The following RBSN variants were observed in gnomAD, a reference collection of about 807,000 sequenced individuals.
RBSN encodes the protein rabenosyn, RAB effector, also known as rabenosyn-5.
A neutral mutation model predicts 60.5 loss-of-function variants in RBSN; 34 were observed. The ratio of observed to expected loss-of-function variants is 0.56; its 90% CI spans 0.43 to 0.75. RBSN has a LOEUF of 0.75. Ranked by LOEUF, RBSN falls within the 30% of genes least tolerant of loss-of-function variation. The pLI, the probability that RBSN is intolerant of heterozygous loss-of-function variation, is 0.00. For missense variants in RBSN, 845 were observed against 986.8 expected, an observed-to-expected ratio of 0.86 and a Z score of 1.92; for synonymous variants, 322 against 366.9, an observed-to-expected ratio of 0.88 and a Z score of 1.40.
At chr3:15,091,572 C>A in intron 4 of RBSN, 7 of 1,142,472 alleles carry the variant, frequency 6.1e-6, no homozygotes, top group Non-Finnish European at 8.0e-6. Flanking sequence ...TCGTATGTAC[C>A]AGGTACAACG....
chr3:15,089,468 A>AC (rs2043442555), intron 5 of RBSN, among the ~76,000 whole-genome samples: 3 of 112,938 alleles, frequency 2.7e-5, no homozygotes, highest in African/African-American at 1.9e-4. Flanking sequence ...AAAAAAAAAA[A>AC]AAAAAAAAAC....
Position 15,084,782 on chromosome 3 carries a change from G to C in RBSN, c.551C>G (p.Ser184Cys), listed in dbSNP as rs1456941640. The C allele has an allele frequency of 8.7e-6, 14 of 1,613,930 alleles. No individual in the cohort carries two copies. The highest frequency in any genetic ancestry group is 1.0e-5 in the Non-Finnish European group (12 of 1,179,986). ...NRRHHCRLCG[S>C]IMCKKCMELI... ...CTCCATACACTTCTTGCACATAATA[G>C]ACCCGCAGAGGCGGCAGTGGTGGCG... is the stretch of plus-strand genomic sequence containing the variant. The change falls in exon 8 of 14, where the codon TCT becomes TGT. Residue 184 changes from serine to cysteine, a missense_variant. Transcript: ENST00000253699. This position sits in a 1 kb window ranked among gnomAD's most constrained non-coding sequence, Gnocchi z 4.2.
In RBSN at chr3:15,073,457, C is replaced by T; in HGVS notation, c.*325G>A. On this transcript the variant is annotated 3_prime_UTR_variant, in exon 14 of 14. Coordinates refer to ENST00000253699, the MANE Select transcript of RBSN (RefSeq NM_022340.4). Reference sequence around the variant, plus strand: ...GCAGCCATTTCTGCCCTGGGCCCAACAGAGCTGCATTTAGTTATATCTCGG... The same window carrying T: ...GCAGCCATTTCTGCCCTGGGCCCAATAGAGCTGCATTTAGTTATATCTCGG... 3.6e-6 allele frequency: 1 copy of T among 275,120 alleles called. No individual in the cohort carries two copies. Among genetic ancestry groups the T allele is most frequent in the Non-Finnish European group, 6.9e-6 (1 of 144,944 alleles). 17.0% of individuals were successfully genotyped at this position (275,120 alleles called of 1,614,324 possible). A position where few individuals can be genotyped will look rare whatever the true frequency, so the allele number is the denominator to read the frequency against.
chr3:15,095,837 C>T (rs1410291893), intron 4 of RBSN, 136 bp downstream of exon 4: 3 of 1,150,104 alleles, frequency 2.6e-6, no homozygotes, highest in Non-Finnish European at 3.8e-6. Context: ...AAACGCCTGG[C>T]ACATGACAAA....
At chr3:15,080,245 GAA>G (rs534543298) in intron 10 of RBSN, among the ~76,000 whole-genome samples, 16 of 119,532 alleles carry the variant, frequency 1.3e-4, no homozygotes, top group Admixed American at 3.5e-4. Context: ...CTCCGTCTCG[GAA>G]AAAAAAAAAA....
At chr3:15,080,015 C>T (rs1413765930) in intron 10 of RBSN, among the ~76,000 whole-genome samples, 4 of 152,102 alleles carry the variant, frequency 2.6e-5, no homozygotes, top group African/African-American at 4.8e-5. Flanking sequence ...GAAGCCAAGG[C>T]GGGTGGATCA....
rs1285756810 is a variant in RBSN, at chr3:15,095,759, GA to G, written c.148+213del. 1.6e-5 allele frequency: 10 copies of G among 622,964 alleles called. No individual in the cohort carries two copies. The East Asian group carries it at 2.5e-4, about 16-fold the overall frequency. The allele number at this position is 622,964 out of a possible 1,614,324, so 38.6% of individuals were successfully genotyped here. On this transcript the variant is annotated intron_variant, in intron 4 of 13. Coordinates refer to ENST00000253699, the MANE Select transcript of RBSN (RefSeq NM_022340.4). ...TATCTAATCTCTCTGTGTCTGGTTC[GA>G]AATGTGGCTTACAGCCACACAGTTA...
chr3:15,080,155 G>C (rs952472959), intron 10 of RBSN, among the ~76,000 whole-genome samples: 7 of 151,324 alleles, frequency 4.6e-5, no homozygotes, highest in Non-Finnish European at 1.0e-4. Context: ...TGAGGCAGGA[G>C]AATTGCTTGA....
chr3:15,070,563 A>G lies in RBSN; in HGVS notation c.*3219T>C, dbSNP rs1245409724. ...AAAGGGTGAATATTCACATGAGGTA[A>G]GAACTTGAAGTTGTGGTTATAATAC... On this transcript the variant is annotated 3_prime_UTR_variant, in exon 14 of 14. Transcript: ENST00000253699. The G allele has an allele frequency of 6.6e-6, 1 of 152,626 alleles. No individual in the cohort carries two copies. Among genetic ancestry groups the G allele is most frequent in the East Asian group, 1.9e-4 (1 of 5,194 alleles). The allele number at this position is 152,626 out of a possible 1,614,324, so 9.5% of individuals were successfully genotyped here.
chr3:15,091,446 A>G, intron 4 of RBSN: 2 of 1,284,790 alleles, frequency 1.6e-6, no homozygotes, highest in South Asian at 2.5e-5. Flanking sequence ...CACTTATTGA[A>G]TGCATGTGAG....
At chr3:15,088,570 C>A (rs926616850) in intron 5 of RBSN, among the ~76,000 whole-genome samples, 1 of 151,878 alleles carries the variant, frequency 6.6e-6, no homozygotes, top group Admixed American at 6.6e-5. Context: ...TTAGTAGAGA[C>A]GGGGTTTCAC....
intron 9 of RBSN, 67 bp from the exon 10 acceptor site, chr3:15,080,869 CTCCA>C (rs2043188041): frequency 8.0e-7 from 1 of 1,246,720 alleles, no homozygotes. Context: ...AGAAGCTAGG[CTCCA>C]TCAATGGAGC....
At chr3:15,093,654 T>G (rs2043575263) in intron 4 of RBSN, among the ~76,000 whole-genome samples, 1 of 152,160 alleles carries the variant, frequency 6.6e-6, no homozygotes, top group African/African-American at 2.4e-5. Flanking sequence ...CCTCCCAAAG[T>G]ACTAGAATTA....
rs768722385 is a variant in RBSN at position 15,074,501 on chromosome 3, T to C, written c.1636A>G (p.Thr546Ala). Residue 546 changes from threonine to alanine, a missense_variant, in exon 14 of 14, where the codon ACT becomes GCT. Coordinates refer to ENST00000253699, the MANE Select transcript of RBSN (RefSeq NM_022340.4). This position sits in a 1 kb window ranked among gnomAD's most constrained non-coding sequence, Gnocchi z 6.4. ...ATTTCTCTGAAGTCCAGGGACCGAG[T>C]CCGTGTGTGCAGGGATGCCACCCGA... The part of the protein sequence containing the change: ...QFRVASLHTR[T>A]RSLDFREIGP... The C allele has an allele frequency of 6.2e-7, 1 of 1,614,110 alleles. No homozygotes were observed. The highest frequency in any genetic ancestry group is 8.5e-7 in the Non-Finnish European group (1 of 1,180,020).
At chr3:15,089,801 G>A (rs757926599) in intron 5 of RBSN, among the ~76,000 whole-genome samples, 9 of 152,062 alleles carry the variant, frequency 5.9e-5, no homozygotes, top group East Asian at 1.9e-4. Context: ...TAGTAGAGAC[G>A]GGGTTTCACC....
intron 5 of RBSN, among the ~76,000 whole-genome samples, chr3:15,087,239 G>C (rs1274243508): frequency 6.6e-6 from 1 of 152,120 alleles, no homozygotes; most frequent in Non-Finnish European, 1.5e-5. Context: ...ATCAGGCCAG[G>C]TGCGGTGGCT....
chr3:15,075,023 G>T, intron 13 of RBSN, 93 bp from the exon 14 acceptor site: 2 of 1,401,910 alleles, frequency 1.4e-6, no homozygotes, highest in South Asian at 1.4e-5. Context: ...CTATCCCTGT[G>T]CCAGTGACAC....
At chr3:15,075,156 A>T in intron 13 of RBSN, 1 of 606,150 alleles carries the variant, frequency 1.6e-6, no homozygotes, top group Non-Finnish European at 2.9e-6. Context: ...AAGTTAGGGC[A>T]TCAGATTTTC....
rs183503230 is a variant in RBSN at position 15,080,634 on chromosome 3, T to C, written c.911+98A>G. 5 of 1,244,558 alleles carry C rather than the reference T, an allele frequency of 4.0e-6. No individual in the cohort carries two copies. In the African/African-American group the frequency reaches 4.5e-5, roughly 11 times the overall value. 77.1% of individuals were successfully genotyped at this position (1,244,558 alleles called of 1,614,324 possible). A position where few individuals can be genotyped will look rare whatever the true frequency, so the allele number is the denominator to read the frequency against. On this transcript the variant is annotated intron_variant, in intron 10 of 13. Coordinates refer to ENST00000253699, the MANE Select transcript of RBSN (RefSeq NM_022340.4). ...AGCTGGTCTCAGAAAAAAAGCACGG[T>C]TGAAGTTAAGATTTTCATTTTTGGC... is the stretch of plus-strand genomic sequence containing the variant.
Sources: gnomAD v4.1 joint callset for allele counts (sites outside exome capture counted in the v4.1 genomes callset) on GRCh38, gnomAD v4.1.1 for gene constraint, Gnocchi (gnomAD v3.1) non-coding constraint, MANE v1.5 for transcripts, NCBI Gene and HGNC (gene_info 2026-07-23, HGNC 2026-07-21) for gene names.